The following RP1 variants were observed in gnomAD, a reference collection of about 807,000 sequenced individuals.
RP1 encodes RP1 axonemal microtubule associated, also known as oxygen-regulated protein 1.
Under a neutral mutation model 14.8 loss-of-function variants are expected in RP1, and 16 were observed. That is an observed-to-expected ratio of 1.08 (90% confidence interval 0.73 to 1.65). The LOEUF (loss-of-function observed/expected upper bound fraction) is 1.65. Among genes scored for constraint, RP1 ranks in the 40% most tolerant of loss-of-function variants. The pLI is 0.00. For synonymous variants in RP1, 876 were observed against 883.6 expected (o/e 0.99, Z 0.15); for missense variants, 2,631 against 2,535.0 (o/e 1.04, Z -0.81).
At chr8:54,638,318 A>G (rs1806389975) in intron 3 of RP1, among the ~76,000 whole-genome samples, 1 of 151,900 alleles carries the variant, frequency 6.6e-6, no homozygotes, top group African/African-American at 2.4e-5. Context: ...TGCACCTGTA[A>G]TCTCAGCTAC....
At chr8:54,564,742 G>A (rs1804363287) in intron 1 of RP1, among the ~76,000 whole-genome samples, 1 of 152,160 alleles carries the variant, frequency 6.6e-6, no homozygotes, top group African/African-American at 2.4e-5. Context: ...TAGAGACCCA[G>A]CACACCTGAT....
intron 1 of RP1, among the ~76,000 whole-genome samples, chr8:54,576,752 C>T (rs899051136): frequency 2.6e-5 from 4 of 152,176 alleles, no homozygotes; most frequent in Non-Finnish European, 5.9e-5. Flanking sequence ...AAGAGTTAAT[C>T]TCTTTCCACT....
At chr8:54,726,619 C>T in intron 17 of RP1, 1 of 676,138 alleles carries the variant, frequency 1.5e-6, no homozygotes, top group Non-Finnish European at 2.1e-6. Flanking sequence ...TGTTATCTTG[C>T]TTTTTTATGC....
intron 6 of RP1, among the ~76,000 whole-genome samples, chr8:54,661,799 T>G (rs1179482905): frequency 6.6e-6 from 1 of 152,122 alleles, no homozygotes; most frequent in Admixed American, 6.6e-5. Context: ...TTTAAAAAAG[T>G]ATTTTTCTGT....
chr8:54,658,042 T>C (rs1806794425), intron 6 of RP1, among the ~76,000 whole-genome samples: 1 of 152,202 alleles, frequency 6.6e-6, no homozygotes, highest in Admixed American at 6.5e-5. Context: ...AAGCTGAAAC[T>C]CTATATCCAT....
chr8:54,636,784 T>A (rs1806354424), intron 3 of RP1, among the ~76,000 whole-genome samples: 1 of 152,152 alleles, frequency 6.6e-6, no homozygotes, highest in South Asian at 2.1e-4. Context: ...TGTATCCCAT[T>A]TATTCTCATG....
At chr8:54,583,328 C>G (rs1186772692) in intron 1 of RP1, among the ~76,000 whole-genome samples, 1 of 152,122 alleles carries the variant, frequency 6.6e-6, no homozygotes, top group African/African-American at 2.4e-5. Flanking sequence ...GTTGAACCAC[C>G]CTTGCATCCC....
At chr8:54,758,253 G>C (rs1809556845) in intron 21 of RP1, among the ~76,000 whole-genome samples, 2 of 152,118 alleles carry the variant, frequency 1.3e-5, no homozygotes, top group South Asian at 4.2e-4. Flanking sequence ...ATGTGTGAAG[G>C]AGTTCTTTTG....
intron 12 of RP1, among the ~76,000 whole-genome samples, chr8:54,680,503 C>G (rs747582484): frequency 6.6e-6 from 1 of 152,162 alleles, no homozygotes; most frequent in African/African-American, 2.4e-5. Context: ...CAATATTTGC[C>G]TGCAACACCT....
At chr8:54,679,686 G>C in intron 11 of RP1, 1 of 1,529,456 alleles carries the variant, frequency 6.5e-7, no homozygotes, top group Non-Finnish European at 8.8e-7. Context: ...ATGACTATTT[G>C]ATGTGTTAAA....
chr8:54,816,951 C>T (rs751537520), intron 24 of RP1, among the ~76,000 whole-genome samples: 6 of 152,028 alleles, frequency 3.9e-5, no homozygotes, highest in African/African-American at 1.2e-4. Context: ...AGTGCTTTCT[C>T]TCCTGATATC....
In RP1 at chr8:54,687,451, C is replaced by A. The variant is rs888484925; in HGVS notation, c.1717+7518C>A. 2.6e-5 allele frequency among the ~76,000 whole-genome samples: 4 copies of A among 152,124 alleles called. No individual in the cohort carries two copies. In the East Asian group the frequency reaches 7.7e-4, roughly 29 times the overall value. ...CATTAGGTATTTCTCCTAATGCTAT[C>A]CTTCCCCTAGTCCCCCAACCCCTGA... On this transcript the variant is annotated intron_variant, in intron 12 of 22. Coordinates refer to the RP1 transcript ENST00000636932.
intron 17 of RP1, chr8:54,734,402 C>T: frequency 1.5e-6 from 1 of 654,218 alleles, no homozygotes; most frequent in Non-Finnish European, 2.5e-6. Context: ...AAATCAGCTC[C>T]CTGGAGTCTT....
At chr8:54,783,163 C>A (rs1354958015) in intron 23 of RP1, among the ~76,000 whole-genome samples, 1 of 152,134 alleles carries the variant, frequency 6.6e-6, no homozygotes, top group Non-Finnish European at 1.5e-5. Flanking sequence ...TTCTCTAGTA[C>A]AGATGATGCC....
At chr8:54,814,067 G>A (rs896752069) in intron 24 of RP1, among the ~76,000 whole-genome samples, 3 of 152,132 alleles carry the variant, frequency 2.0e-5, no homozygotes, top group Non-Finnish European at 4.4e-5. Context: ...TATGTAAAAT[G>A]TCTGGCAGAG....
At position 54,625,882 on chromosome 8, in the gene RP1, C is replaced by T. The variant is rs760726038; in HGVS notation, c.2000C>T (p.Ser667Phe). 6.2e-7 allele frequency: 1 copy of T among 1,613,836 alleles called. No individual in the cohort carries two copies. The highest frequency in any genetic ancestry group is 2.2e-5 in the East Asian group (1 of 44,858). Residue 667 changes from serine to phenylalanine, a missense_variant, in exon 4 of 4, where the codon TCT becomes TTT. Transcript: ENST00000220676. Reference protein sequence around the residue: ...LPKNEKKILSSVASKKKKKSR... With the variant: ...LPKNEKKILSFVASKKKKKSR... Reference sequence around the variant, plus strand: ...AAAAATGAAAAGAAGATTTTGTCATCTGTTGCCAGCAAAAAGAAGAAAAAA... The same window carrying T: ...AAAAATGAAAAGAAGATTTTGTCATTTGTTGCCAGCAAAAAGAAGAAAAAA...
intron 1 of RP1, among the ~76,000 whole-genome samples, chr8:54,610,700 C>T (rs1022058828): frequency 6.6e-6 from 1 of 152,184 alleles, no homozygotes; most frequent in African/African-American, 2.4e-5. Flanking sequence ...TTTTATTGCT[C>T]TCATTCCCCA....
intron 15 of RP1, among the ~76,000 whole-genome samples, chr8:54,707,024 G>T (rs895979465): frequency 1.3e-5 from 2 of 152,180 alleles, no homozygotes; most frequent in African/African-American, 2.4e-5. Flanking sequence ...GTTCTAGAAA[G>T]GCCAGCTCAA....
chr8:54,630,054 A>G lies in RP1; in HGVS notation c.6172A>G (p.Thr2058Ala), dbSNP rs747044796. The G allele has an allele frequency of 6.2e-7, 1 of 1,614,024 alleles. No individual in the cohort carries two copies. The highest frequency in any genetic ancestry group is 8.5e-7 in the Non-Finnish European group (1 of 1,179,958). ...DSNTQDLSGQ[T>A]NEIFKAVDEN... ...AAATACACAAGACCTCAGCGGTCAG[A>G]CAAATGAAATCTTTAAAGCAGTCGA... The change falls in exon 4 of 4, where the codon ACA becomes GCA. Residue 2058 changes from threonine to alanine, a missense_variant. Thr to Ala is a moderately conservative substitution (Grantham distance 58, BLOSUM62 0). Coordinates refer to ENST00000220676, the MANE Select transcript of RP1 (RefSeq NM_006269.2).
Sources: allele counts gnomAD v4.1 joint callset (sites outside exome capture counted in the v4.1 genomes callset), GRCh38; gene constraint gnomAD v4.1.1; transcripts MANE v1.5; gene names NCBI Gene and HGNC (gene_info 2026-07-23, HGNC 2026-07-21).